Variants in ACTR3B observed in about 807,000 individuals in gnomAD.
ACTR3B encodes the protein actin related protein 3B, also known as actin-related protein 3B.
ACTR3B carries 8 observed loss-of-function variants against 59.0 expected under a neutral mutation model. The observed-to-expected ratio is 0.14, with a 90% CI of 0.08 to 0.24. ACTR3B has a LOEUF of 0.24. Among genes scored for constraint, ACTR3B ranks in the 10% least tolerant of loss-of-function variants. ACTR3B has a pLI of 1.00. For missense variants in ACTR3B, 245 were observed against 552.3 expected (o/e 0.44, Z 5.58); for synonymous variants, 148 against 197.9 (o/e 0.75, Z 2.12).
At position 152,759,889 on chromosome 7, in the gene ACTR3B, G is replaced by A; in HGVS notation, c.7G>A (p.Gly3Ser). The A allele has an allele frequency of 7.3e-7, 1 of 1,365,504 alleles. No homozygotes were observed. The highest frequency in any genetic ancestry group is 1.6e-5 in the South Asian group (1 of 60,854). 84.6% of individuals were successfully genotyped at this position (1,365,504 alleles called of 1,614,324 possible). The part of the protein sequence containing the change: MA[G>S]SLPPCVVDCG... ...AGCGCCGCGCGTCCCGAGCATGGCA[G>A]GCTCCCTGCCTCCCTGCGTGGTGGA... The change falls in exon 1 of 12, where the codon GGC becomes AGC. Residue 3 changes from glycine (G) to serine (S), a missense_variant. Transcript: ENST00000256001.
chr7:152,767,854 T>C (rs937500712), intron 1 of ACTR3B, among the ~76,000 whole-genome samples: 1 of 152,150 alleles, frequency 6.6e-6, no homozygotes, highest in African/African-American at 2.4e-5. Context: ...TTTTATAACG[T>C]GCTGCTTTAC....
rs964050988 is a variant in ACTR3B, at chr7:152,855,157, A to G, written c.*604A>G. The G allele has an allele frequency of 1.3e-5, 2 of 152,700 alleles. No homozygotes were observed. The highest frequency in any genetic ancestry group is 4.8e-5 in the African/African-American group (2 of 41,448). 9.5% of individuals were successfully genotyped at this position (152,700 alleles called of 1,614,324 possible). On this transcript the variant is annotated 3_prime_UTR_variant, in exon 12 of 12. Transcript: ENST00000256001. ...ATAAAACAGCAAACTTTTTTGCCAC[A>G]TGTTTGCTAGAAAATGATTATACTT...
intron 9 of ACTR3B, 108 bp downstream of exon 9, chr7:152,825,230 C>G (rs1332920604): frequency 8.7e-7 from 1 of 1,146,074 alleles, no homozygotes; most frequent in African/African-American, 1.6e-5. Flanking sequence ...CCTGTTTCAC[C>G]TTCTGTTTCA....
chr7:152,784,516 A>C (rs906256873), intron 2 of ACTR3B, among the ~76,000 whole-genome samples: 10 of 152,114 alleles, frequency 6.6e-5, no homozygotes, highest in African/African-American at 2.4e-4. Flanking sequence ...TGCTGCCATG[A>C]ATGGGTTATC....
At chr7:152,797,450 T>C (rs1379678773) in intron 2 of ACTR3B, among the ~76,000 whole-genome samples, 4 of 152,232 alleles carry the variant, frequency 2.6e-5, no homozygotes, top group African/African-American at 9.6e-5. Flanking sequence ...TAATATGATG[T>C]TTTGAAGTAT....
In ACTR3B at chr7:152,764,696, C is replaced by T. The variant is rs541761404; in HGVS notation, c.44+4770C>T. On this transcript the variant is annotated intron_variant, in intron 1 of 11. Transcript: ENST00000256001. ...CAAGGATATCTTTTTGTATTTTTTG[C>T]CTGAGTATCTGTGGCTTAGATTTTT... Among the ~76,000 whole-genome samples, 6 of 150,860 alleles carry T rather than the reference C, an allele frequency of 4.0e-5. No individual in the cohort carries two copies. In the East Asian group the frequency reaches 9.7e-4, roughly 24 times the overall value.
rs565351121 is a variant in ACTR3B at position 152,768,419 on chromosome 7, T to C, written c.44+8493T>C. On this transcript the variant is annotated intron_variant, in intron 1 of 11. Coordinates refer to ENST00000256001, the MANE Select transcript of ACTR3B (RefSeq NM_020445.6). ...GATTTTAGTGGGATAGTTCTGGTGT[T>C]TGTTTGTTTGTTTGTTTGTTTTCAC... is the stretch of plus-strand genomic sequence containing the variant. Among the ~76,000 whole-genome samples, 69 of 150,490 alleles carry C rather than the reference T, an allele frequency of 4.6e-4. 1 individual carries two copies. The highest frequency in any genetic ancestry group is 1.7e-3 in the African/African-American group (68 of 40,004).
At position 152,791,092 on chromosome 7, in the gene ACTR3B, C is replaced by G. The variant is rs571794694; in HGVS notation, c.100+7850C>G. ...ACAGTGGCATGATCTTGGCTCACTG[C>G]AACCTTCACCTCCTGGGTTCAAGCA... On this transcript the variant is annotated intron_variant, in intron 2 of 11. Coordinates refer to ENST00000256001, the MANE Select transcript of ACTR3B (RefSeq NM_020445.6). 1.1e-3 allele frequency among the ~76,000 whole-genome samples: 169 copies of G among 151,300 alleles called. 1 individual carries two copies. The highest frequency in any genetic ancestry group is 1.5e-3 in the Non-Finnish European group (103 of 67,906).
intron 2 of ACTR3B, among the ~76,000 whole-genome samples, chr7:152,787,537 T>C (rs2098178695): frequency 1.3e-5 from 2 of 152,024 alleles, no homozygotes; most frequent in African/African-American, 4.8e-5. Context: ...AGACTTTCTA[T>C]ATTTTTTCTA....
chr7:152,814,325 G>C (rs1795509450), intron 4 of ACTR3B: 1 of 440,818 alleles, frequency 2.3e-6, no homozygotes, highest in Non-Finnish European at 4.0e-6. Flanking sequence ...AATTTGGGTG[G>C]GTAATAAGAA....
chr7:152,844,177 C>T (rs1798085624), intron 9 of ACTR3B, among the ~76,000 whole-genome samples: 1 of 152,254 alleles, frequency 6.6e-6, no homozygotes, highest in Admixed American at 6.5e-5. Flanking sequence ...CCTGCCTCAG[C>T]CTCCTGAGTA....
chr7:152,808,956 A>G (rs1432305921), intron 4 of ACTR3B, among the ~76,000 whole-genome samples: 6 of 152,200 alleles, frequency 3.9e-5, no homozygotes, highest in Middle Eastern at 3.2e-3. Context: ...GATTGTACAC[A>G]CTACTATTGG....
At chr7:152,764,367 C>T (rs2098101075) in intron 1 of ACTR3B, among the ~76,000 whole-genome samples, 1 of 152,066 alleles carries the variant, frequency 6.6e-6, no homozygotes. Flanking sequence ...CAGTGGCTCA[C>T]ACCTGTAGTC....
intron 1 of ACTR3B, among the ~76,000 whole-genome samples, chr7:152,777,436 A>G (rs1417154835): frequency 1.3e-5 from 2 of 152,192 alleles, no homozygotes; most frequent in African/African-American, 4.8e-5. Flanking sequence ...TAGGAGTAAT[A>G]GCTTATTCAT....
At chr7:152,781,958 C>T (rs2098155518) in intron 1 of ACTR3B, among the ~76,000 whole-genome samples, 1 of 151,800 alleles carries the variant, frequency 6.6e-6, no homozygotes, top group African/African-American at 2.4e-5. Flanking sequence ...TGGCATTGCC[C>T]TGGCTCCTGT....
At chr7:152,804,814 C>T (rs1386073801) in intron 4 of ACTR3B, among the ~76,000 whole-genome samples, 2 of 152,168 alleles carry the variant, frequency 1.3e-5, no homozygotes, top group Non-Finnish European at 2.9e-5. Flanking sequence ...TGTGGAAGCA[C>T]GCATTGTTTG....
intron 1 of ACTR3B, among the ~76,000 whole-genome samples, chr7:152,777,385 A>G (rs2098138694): frequency 6.6e-6 from 1 of 152,188 alleles, no homozygotes; most frequent in Non-Finnish European, 1.5e-5. Context: ...GTCTGCTTGT[A>G]TGTAGAGAGT....
chr7:152,781,836 G>A (rs1373341098), intron 1 of ACTR3B, among the ~76,000 whole-genome samples: 3 of 152,080 alleles, frequency 2.0e-5, no homozygotes, highest in Admixed American at 2.0e-4. Flanking sequence ...AGTTGTGGTA[G>A]GTCCACTTGG....
intron 1 of ACTR3B, among the ~76,000 whole-genome samples, chr7:152,762,110 A>AT (rs2117094846): frequency 6.6e-6 from 1 of 152,342 alleles, no homozygotes; most frequent in African/African-American, 2.4e-5. Context: ...GATAAACAGT[A>AT]TTTTTTACAA....
Sources: allele counts gnomAD v4.1 joint callset (sites outside exome capture counted in the v4.1 genomes callset), GRCh38; gene constraint gnomAD v4.1.1; transcripts MANE v1.5; gene names NCBI Gene and HGNC (gene_info 2026-07-23, HGNC 2026-07-21).